SEC14L5: variants seen among roughly 807,000 people sequenced by gnomAD.
SEC14L5 encodes SEC14-like protein 5.
SEC14L5 carries 96 observed loss-of-function variants against 84.6 expected under a neutral mutation model. The observed-to-expected ratio is 1.13, with a 90% CI of 0.96 to 1.34. The LOEUF (loss-of-function observed/expected upper bound fraction) is 1.34. Ranked by LOEUF, SEC14L5 falls within the 40% of genes most tolerant of loss-of-function variation. SEC14L5 has a pLI of 0.00. For missense variants in SEC14L5, 1,224 were observed against 942.5 expected (o/e 1.30, Z -3.91); for synonymous variants, 546 against 383.4 (o/e 1.42, Z -4.95).
At chr16:5,010,980 G>C in intron 14 of SEC14L5, 115 bp from the exon 15 acceptor site, 1 of 988,362 alleles carries the variant, frequency 1.0e-6, no homozygotes, top group Non-Finnish European at 1.5e-6. Flanking sequence ...GAAAGGGACA[G>C]AGGGAGAAGA....
intron 14 of SEC14L5, among the ~76,000 whole-genome samples, chr16:5,010,398 A>C (rs952073054): frequency 2.0e-5 from 3 of 151,854 alleles, no homozygotes; most frequent in Non-Finnish European, 4.4e-5. Context: ...CTTGGAACAG[A>C]ACTTGAACGT....
chr16:4,997,072 A>G (rs1423496115), intron 8 of SEC14L5, 28 bp downstream of exon 8: 2 of 1,544,506 alleles, frequency 1.3e-6, no homozygotes, highest in Non-Finnish European at 8.8e-7. Flanking sequence ...CATCATGTAT[A>G]GGGCATACTT....
At position 5,015,701 on chromosome 16, in the gene SEC14L5, G is replaced by A. The variant is rs998543162; in HGVS notation, c.*731G>A. The A allele has an allele frequency of 6.6e-6, 1 of 152,430 alleles. No homozygotes were observed. Among genetic ancestry groups the A allele is most frequent in the African/African-American group, 2.4e-5 (1 of 41,480 alleles). The allele number at this position is 152,430 out of a possible 1,614,324, so 9.4% of individuals were successfully genotyped here. On this transcript the variant is annotated 3_prime_UTR_variant, in exon 16 of 16. Transcript: ENST00000251170. ...GATGCTGGGGAGGCAGAAATGAAGG[G>A]TGTTTACCTTGGCATCTGATTGCAT...
At chr16:4,989,542 T>C (rs1446258491) in intron 4 of SEC14L5, among the ~76,000 whole-genome samples, 2 of 152,120 alleles carry the variant, frequency 1.3e-5, no homozygotes, top group Non-Finnish European at 2.9e-5. Context: ...AGATAGGGTT[T>C]CTCCATGTTG....
At chr16:4,988,108 G>T in intron 3 of SEC14L5, 41 bp from the exon 4 acceptor site, 1 of 1,608,560 alleles carries the variant, frequency 6.2e-7, no homozygotes. Flanking sequence ...TGTGCTCCAC[G>T]CCGCCCACCC....
chr16:5,008,018 C>T (rs984787874), intron 13 of SEC14L5, among the ~76,000 whole-genome samples: 5 of 147,244 alleles, frequency 3.4e-5, no homozygotes, highest in African/African-American at 1.0e-4. Context: ...AGTGATTCTT[C>T]TGCCTCAGCC....
intron 2 of SEC14L5, among the ~76,000 whole-genome samples, chr16:4,959,923 G>A (rs1392911687): frequency 6.6e-6 from 1 of 152,188 alleles, no homozygotes; most frequent in East Asian, 1.9e-4. Flanking sequence ...GGAGACTCTA[G>A]AACCTCACAT....
chr16:5,014,893 G>C lies in SEC14L5; in HGVS notation c.2014G>C (p.Gly672Arg). The part of the protein sequence containing the change: ...SMSSLESCTS[G>R]FSQLSAATSS... ...GTCCAGCCTGGAATCCTGCACCAGC[G>C]GCTTCTCCCAGCTCAGCGCCGCCAC... is the stretch of plus-strand genomic sequence containing the variant. The change falls in exon 16 of 16, where the codon GGC becomes CGC. Residue 672 changes from glycine to arginine, a missense_variant. Transcript: ENST00000251170. 1 of 1,613,658 alleles carries C rather than the reference G, an allele frequency of 6.2e-7. No individual in the cohort carries two copies. Among genetic ancestry groups the C allele is most frequent in the Non-Finnish European group, 8.5e-7 (1 of 1,179,874 alleles).
rs1596614374 is a variant in SEC14L5 at position 4,968,474 on chromosome 16, C to T, written c.63+9088C>T. Among the ~76,000 whole-genome samples the T allele has an allele frequency of 2.6e-5, 4 of 152,228 alleles. No homozygotes were observed. The South Asian group carries it at 6.2e-4, about 24-fold the overall frequency. The stretch of plus-strand genomic sequence containing the variant: ...GGTTACAGGCGTGGGCCACGGCGCC[C>T]GGCCGCACCTGGCTAATTTTAAAAA... On this transcript the variant is annotated intron_variant, in intron 2 of 15. Coordinates refer to ENST00000251170, the MANE Select transcript of SEC14L5 (RefSeq NM_014692.2).
rs2142502757 is a variant in SEC14L5 at position 4,987,708 on chromosome 16, T to G, written c.213+2T>G. 1 of 1,483,164 alleles carries G rather than the reference T, an allele frequency of 6.7e-7. No individual in the cohort carries two copies. The highest frequency in any genetic ancestry group is 8.9e-7 in the Non-Finnish European group (1 of 1,123,636). The allele number at this position is 1,483,164 out of a possible 1,614,324, so 91.9% of individuals were successfully genotyped here. A position where few individuals can be genotyped will look rare whatever the true frequency, so the allele number is the denominator to read the frequency against. On this transcript the variant is annotated splice_donor_variant, in intron 3 of 15. Coordinates refer to ENST00000251170, the MANE Select transcript of SEC14L5 (RefSeq NM_014692.2). LOFTEE classifies it high-confidence loss of function. ...GACGCCCCGCGGCTGCTGCGGAAGG[T>G]GGGCGGCCCTGGGGCTGGGGGGCGG...
At chr16:5,007,637 G>T (rs1217050099) in intron 13 of SEC14L5, among the ~76,000 whole-genome samples, 151 bp downstream of exon 13, 3 of 137,344 alleles carry the variant, frequency 2.2e-5, no homozygotes, top group Non-Finnish European at 3.0e-5. Context: ...ATGGAGTCTC[G>T]CTCTGTTGCC....
intron 5 of SEC14L5, among the ~76,000 whole-genome samples, 157 bp downstream of exon 5, chr16:4,991,052 G>A (rs1955548615): frequency 6.6e-6 from 1 of 151,808 alleles, no homozygotes; most frequent in African/African-American, 2.4e-5. Context: ...ACGAGATAAT[G>A]GATGGAAAGT....
chr16:4,970,439 G>A (rs771947437), intron 2 of SEC14L5, among the ~76,000 whole-genome samples: 3 of 152,174 alleles, frequency 2.0e-5, no homozygotes, highest in African/African-American at 7.2e-5. Flanking sequence ...GGCTGGCAGC[G>A]TCATCAGGGG....
chr16:4,991,485 G>C (rs534145617), intron 5 of SEC14L5, among the ~76,000 whole-genome samples: 1 of 151,942 alleles, frequency 6.6e-6, no homozygotes, highest in Non-Finnish European at 1.5e-5. Flanking sequence ...AGGATCTCTT[G>C]ATCCTGGGAG....
intron 3 of SEC14L5, 140 bp downstream of exon 3, chr16:4,987,846 T>G: frequency 1.4e-6 from 1 of 697,302 alleles, no homozygotes; most frequent in Non-Finnish European, 2.3e-6. Flanking sequence ...TGGATGGAGG[T>G]TCCAGGATGA....
At chr16:5,005,076 C>T (rs543097049) in intron 11 of SEC14L5, among the ~76,000 whole-genome samples, 9 of 152,192 alleles carry the variant, frequency 5.9e-5, no homozygotes, top group Non-Finnish European at 1.0e-4. Flanking sequence ...TTTGAGAGGC[C>T]GAGGTGGGTG....
chr16:4,992,085 G>C, intron 6 of SEC14L5, 55 bp downstream of exon 6: 3 of 1,236,140 alleles, frequency 2.4e-6, no homozygotes. Context: ...AGGTCCTCTT[G>C]CTCCATGGGG....
rs936465255 is a variant in SEC14L5 at position 4,992,024 on chromosome 16, A to G, written c.661A>G (p.Met221Val). Reference protein sequence around the residue: ...TLGPALEAVSMDGDKLDADYI... With the variant: ...TLGPALEAVSVDGDKLDADYI... ...GGGGCCCGCTCTGGAGGCGGTCAGTATGGACGGTAGGTGGTACAGCCCAGG... is the reference window on the plus strand; with the variant it reads ...GGGGCCCGCTCTGGAGGCGGTCAGTGTGGACGGTAGGTGGTACAGCCCAGG... Residue 221 changes from methionine (M) to valine (V), a missense_variant, in exon 6 of 16, where the codon ATG becomes GTG. Met to Val is a conservative substitution (Grantham distance 21, BLOSUM62 1). Coordinates refer to ENST00000251170, the MANE Select transcript of SEC14L5 (RefSeq NM_014692.2). The G allele has an allele frequency of 1.9e-6, 3 of 1,566,114 alleles. No individual in the cohort carries two copies. The African/African-American group carries it at 4.1e-5, about 21-fold the overall frequency.
intron 6 of SEC14L5, among the ~76,000 whole-genome samples, chr16:4,995,743 C>T (rs1955601844): frequency 6.6e-6 from 1 of 151,662 alleles, no homozygotes; most frequent in Non-Finnish European, 1.5e-5. Context: ...TCTCCTGACT[C>T]AGCCTCCTGA....
Sources: gnomAD v4.1 joint callset for allele counts (sites outside exome capture counted in the v4.1 genomes callset) on GRCh38, gnomAD v4.1.1 for gene constraint, MANE v1.5 for transcripts, NCBI Gene and HGNC (gene_info 2026-07-23, HGNC 2026-07-21) for gene names.